RTN3: variants seen among roughly 807,000 people sequenced by gnomAD.
The protein encoded by RTN3 is reticulon 3, also known as reticulon-3.
A neutral mutation model predicts 77.8 loss-of-function variants in RTN3; 49 were observed. The ratio of observed to expected loss-of-function variants is 0.63; its 90% confidence interval spans 0.50 to 0.80. RTN3 has a LOEUF of 0.80. Ranked by LOEUF, RTN3 falls within the 30% of genes least tolerant of loss-of-function variation. RTN3 has a pLI of 0.00. For missense variants in RTN3, 1,236 were observed against 1,211.9 expected, an observed-to-expected ratio of 1.02 and a Z score of -0.29; for synonymous variants, 464 against 446.9, an observed-to-expected ratio of 1.04 and a Z score of -0.48.
intron 2 of RTN3, among the ~76,000 whole-genome samples, chr11:63,713,009 C>T (rs2011208576): frequency 6.6e-6 from 1 of 152,054 alleles, no homozygotes; most frequent in South Asian, 2.1e-4. Flanking sequence ...GCAGGAGAAT[C>T]GCTTGAACCC....
At chr11:63,740,071 A>G (rs1229377341) in intron 3 of RTN3, among the ~76,000 whole-genome samples, 3 of 152,100 alleles carry the variant, frequency 2.0e-5, no homozygotes, top group Non-Finnish European at 4.4e-5. Flanking sequence ...ATAACTCCCA[A>G]ATCTATACTC....
intron 2 of RTN3, among the ~76,000 whole-genome samples, chr11:63,717,446 T>C (rs2957253): frequency 0.018 from 2,480 of 138,270 alleles, 79 homozygotes; most frequent in African/African-American, 0.062. Context: ...TGCGATGGCG[T>C]GACCTCAGCT....
chr11:63,736,876 C>T (rs1475970831), intron 3 of RTN3, among the ~76,000 whole-genome samples: 1 of 151,828 alleles, frequency 6.6e-6, no homozygotes, highest in African/African-American at 2.4e-5. Flanking sequence ...ACTATCCCAT[C>T]ATATTCACAG....
intron 1 of RTN3, among the ~76,000 whole-genome samples, chr11:63,699,742 T>A (rs1942142945): frequency 6.6e-6 from 1 of 152,212 alleles, no homozygotes; most frequent in Admixed American, 6.5e-5. Flanking sequence ...TACCACCTCT[T>A]CTGAAACATT....
At chr11:63,729,795 A>G (rs2012561250) in intron 3 of RTN3, among the ~76,000 whole-genome samples, 1 of 151,212 alleles carries the variant, frequency 6.6e-6, no homozygotes, top group East Asian at 2.0e-4. Context: ...TACTATAAAT[A>G]TATATATATT....
intron 1 of RTN3, among the ~76,000 whole-genome samples, chr11:63,697,600 C>G (rs1004098991): frequency 6.6e-6 from 1 of 151,982 alleles, no homozygotes; most frequent in Non-Finnish European, 1.5e-5. Flanking sequence ...CTTGGCCTCC[C>G]GAGTAGCTGG....
intron 2 of RTN3, among the ~76,000 whole-genome samples, chr11:63,710,707 G>T (rs1405052675): frequency 6.6e-6 from 1 of 151,526 alleles, no homozygotes; most frequent in Admixed American, 6.7e-5. Flanking sequence ...CATACCAAAT[G>T]TATTAAGGCT....
intron 1 of RTN3, among the ~76,000 whole-genome samples, chr11:63,703,107 AAAAC>A (rs1305320719): frequency 6.6e-6 from 1 of 152,178 alleles, no homozygotes; most frequent in East Asian, 1.9e-4. Flanking sequence ...ATTTTTTTAA[AAAAC>A]AACAATAAAA....
rs1565048098 is a variant in RTN3 at position 63,753,682 on chromosome 11, G to A, written c.2968G>A (p.Val990Ile). Reference protein sequence around the residue: ...LILAELLIFSVPIVYEKYKTQ... With the variant: ...LILAELLIFSIPIVYEKYKTQ... ...TACAGCTGAACTGCTCATTTTCAGT[G>A]TCCCGATTGTCTATGAGAAGTACAA... The change falls in exon 7 of 9, where the codon GTC (valine) becomes ATC (isoleucine). Residue 990 changes from valine to isoleucine, a missense_variant. This residue lies in a region of RTN3 where 141 missense variants were observed against 154.9 expected (regional missense o/e 0.91). Coordinates refer to ENST00000377819, the MANE Select transcript of RTN3 (RefSeq NM_001265589.2). 4 of 1,613,756 alleles carry A rather than the reference G, an allele frequency of 2.5e-6. No individual in the cohort carries two copies. The highest frequency in any genetic ancestry group is 1.7e-6 in the Non-Finnish European group (2 of 1,179,748).
rs563771010 is a variant in RTN3, at chr11:63,729,387, A to G, written c.2530+8355A>G. ...ATGATGTTTATTTCTTAGGACAATT[A>G]TAACAGAAAAAAACGAGTATATGGA... On this transcript the variant is annotated intron_variant, in intron 3 of 8. Coordinates refer to ENST00000377819, the MANE Select transcript of RTN3 (RefSeq NM_001265589.2). Among the ~76,000 whole-genome samples, 6 of 151,214 alleles carry G rather than the reference A, an allele frequency of 4.0e-5. No homozygotes were observed. The East Asian group carries it at 1.2e-3, about 29-fold the overall frequency.
At chr11:63,715,577 C>T (rs983585372) in intron 2 of RTN3, among the ~76,000 whole-genome samples, 2 of 152,030 alleles carry the variant, frequency 1.3e-5, no homozygotes, top group African/African-American at 4.8e-5. Flanking sequence ...AAAATCGCTT[C>T]AATCTGGGGG....
chr11:63,695,582 T>C (rs1294670360), intron 1 of RTN3, among the ~76,000 whole-genome samples: 1 of 152,228 alleles, frequency 6.6e-6, no homozygotes, highest in Non-Finnish European at 1.5e-5. Context: ...ACATCATCAG[T>C]TGATAAGTCA....
chr11:63,696,230 C>G (rs1318079476), intron 1 of RTN3, among the ~76,000 whole-genome samples: 1 of 150,648 alleles, frequency 6.6e-6, no homozygotes, highest in Admixed American at 6.6e-5. Flanking sequence ...AACCCCGTCT[C>G]TACTAAAAAT....
intron 1 of RTN3, among the ~76,000 whole-genome samples, chr11:63,692,143 C>T (rs1489819248): frequency 6.6e-6 from 1 of 152,122 alleles, no homozygotes; most frequent in East Asian, 1.9e-4. Flanking sequence ...TCACCTCAGC[C>T]TCCCAAGTAG....
At chr11:63,741,492 G>GCGCCT (rs1368053426) in intron 3 of RTN3, among the ~76,000 whole-genome samples, 1 of 150,182 alleles carries the variant, frequency 6.7e-6, no homozygotes, top group African/African-American at 2.5e-5. Flanking sequence ...ATGAGCCACC[G>GCGCCT]TGCCCAGCAT....
At chr11:63,690,001 G>A (rs191387222) in intron 1 of RTN3, among the ~76,000 whole-genome samples, 3 of 151,948 alleles carry the variant, frequency 2.0e-5, no homozygotes, top group Admixed American at 2.0e-4. Context: ...CAAGTGAACT[G>A]CCCCCGCCTC....
chr11:63,691,714 A>G (rs1453011680), intron 1 of RTN3, among the ~76,000 whole-genome samples: 3 of 152,172 alleles, frequency 2.0e-5, no homozygotes, highest in Non-Finnish European at 4.4e-5. Flanking sequence ...TCTTGATTCT[A>G]CCTTCAAAAA....
intron 1 of RTN3, among the ~76,000 whole-genome samples, chr11:63,693,221 C>T (rs933969449): frequency 3.3e-5 from 5 of 152,190 alleles, no homozygotes; most frequent in Non-Finnish European, 7.3e-5. Flanking sequence ...CAGTGGCTCA[C>T]GCCTGTAATC....
At chr11:63,725,972 A>T (rs551342516) in intron 3 of RTN3, among the ~76,000 whole-genome samples, 1 of 152,320 alleles carries the variant, frequency 6.6e-6, no homozygotes, top group African/African-American at 2.4e-5. Flanking sequence ...GTGGAATGAA[A>T]AGAGTTACCA....
Sources: gnomAD v4.1 joint callset for allele counts (sites outside exome capture counted in the v4.1 genomes callset) on GRCh38, gnomAD v4.1.1 for gene constraint, gnomAD v4.1.1 regional missense constraint, MANE v1.5 for transcripts, NCBI Gene and HGNC (gene_info 2026-07-23, HGNC 2026-07-21) for gene names.